The following MREG variants were observed in gnomAD, a reference collection of about 807,000 sequenced individuals.
MREG encodes the protein melanoregulin.
MREG carries 31 observed loss-of-function variants against 28.5 expected under a neutral mutation model. That is an observed-to-expected ratio of 1.09 (90% CI 0.82 to 1.47). The LOEUF is 1.47. MREG is among the 40% of genes most tolerant of loss of function. The probability of loss-of-function intolerance (pLI) is 0.00; values close to 1 mark genes in which losing one functional copy is unlikely to be tolerated. For missense variants in MREG, 256 were observed against 257.4 expected, an observed-to-expected ratio of 0.99 and a Z score of 0.04; for synonymous variants, 106 against 95.2, an observed-to-expected ratio of 1.11 and a Z score of -0.66.
intron 2 of MREG, among the ~76,000 whole-genome samples, chr2:215,970,071 C>T (rs2105988932): frequency 6.6e-6 from 1 of 152,262 alleles, no homozygotes; most frequent in South Asian, 2.1e-4. Flanking sequence ...ATGTTGAATC[C>T]TAAGCCCCAG....
At chr2:215,979,230 G>A (rs924596771) in intron 2 of MREG, among the ~76,000 whole-genome samples, 4 of 152,072 alleles carry the variant, frequency 2.6e-5, no homozygotes, top group Non-Finnish European at 5.9e-5. Context: ...TTGGAAGGCC[G>A]AGGTGGGTGG....
Position 216,000,400 on chromosome 2 carries a change from C to T in MREG, c.96-3935G>A, listed in dbSNP as rs113720097. 2.2e-3 allele frequency among the ~76,000 whole-genome samples: 331 copies of T among 152,238 alleles called. 1 individual carries two copies. The highest frequency in any genetic ancestry group is 7.2e-3 in the African/African-American group (300 of 41,546). ...TGTGGATGCTCCCTGTACAAACCAG[C>T]AGGTTCCCCTGTGGCTTGTCCCCAG... On this transcript the variant is annotated intron_variant, in intron 1 of 4. Transcript: ENST00000263268.
intron 2 of MREG, among the ~76,000 whole-genome samples, chr2:215,983,311 G>C (rs1197816212): frequency 1.3e-5 from 2 of 152,220 alleles, no homozygotes; most frequent in African/African-American, 4.8e-5. Context: ...AGCCAGACTG[G>C]AGTATCTCAG....
chr2:215,975,872 G>C (rs998292864), intron 2 of MREG, among the ~76,000 whole-genome samples: 1 of 152,154 alleles, frequency 6.6e-6, no homozygotes, highest in Non-Finnish European at 1.5e-5. Flanking sequence ...GATTGCCTGA[G>C]GTCAGGAGTT....
At chr2:215,967,385 T>C (rs1187307241) in intron 2 of MREG, among the ~76,000 whole-genome samples, 1 of 152,242 alleles carries the variant, frequency 6.6e-6, no homozygotes, top group Non-Finnish European at 1.5e-5. Context: ...TTGAAAATTA[T>C]AGTGCATTTT....
At chr2:215,993,490 C>A (rs750116517) in intron 2 of MREG, among the ~76,000 whole-genome samples, 1 of 152,138 alleles carries the variant, frequency 6.6e-6, no homozygotes, top group Non-Finnish European at 1.5e-5. Flanking sequence ...TTAGGCAATA[C>A]CATTCAGGAC....
At chr2:215,960,069 C>T (rs1428896165) in intron 2 of MREG, among the ~76,000 whole-genome samples, 1 of 152,040 alleles carries the variant, frequency 6.6e-6, no homozygotes, top group African/African-American at 2.4e-5. Flanking sequence ...TGTTCTCCTG[C>T]CTCAGCCTCC....
At chr2:215,968,509 G>A (rs1258654100) in intron 2 of MREG, among the ~76,000 whole-genome samples, 3 of 152,036 alleles carry the variant, frequency 2.0e-5, no homozygotes, top group Non-Finnish European at 2.9e-5. Flanking sequence ...CAAGTAGTTC[G>A]AAAGTGATTT....
chr2:215,944,420 G>A lies in MREG; in HGVS notation c.*443C>T, dbSNP rs895560194. ...ACCTCATGCCTAGTATTATTTTGGG[G>A]TTAGCATACATTTTATAATAATTAT... On this transcript the variant is annotated 3_prime_UTR_variant, in exon 5 of 5. Coordinates refer to ENST00000263268, the MANE Select transcript of MREG (RefSeq NM_018000.3). 2 of 153,506 alleles carry A rather than the reference G, an allele frequency of 1.3e-5. No individual in the cohort carries two copies. The highest frequency in any genetic ancestry group is 4.8e-5 in the African/African-American group (2 of 41,440). 9.5% of individuals were successfully genotyped at this position (153,506 alleles called of 1,614,324 possible). A position where few individuals can be genotyped will look rare whatever the true frequency, so the allele number is the denominator to read the frequency against.
At chr2:215,983,385 C>T (rs566398918) in intron 2 of MREG, among the ~76,000 whole-genome samples, 1 of 152,340 alleles carries the variant, frequency 6.6e-6, no homozygotes, top group Admixed American at 6.5e-5. Flanking sequence ...TTCCCTGTTT[C>T]TCCCACCCAA....
chr2:215,966,208 G>A (rs1692934748), intron 2 of MREG, among the ~76,000 whole-genome samples: 1 of 152,172 alleles, frequency 6.6e-6, no homozygotes, highest in Non-Finnish European at 1.5e-5. Context: ...CTTTATCTGA[G>A]CCTCTCAATA....
At chr2:216,027,932 ATACACT>A (rs1217932945) in intron 1 of MREG, among the ~76,000 whole-genome samples, 1 of 152,226 alleles carries the variant, frequency 6.6e-6, no homozygotes, top group Non-Finnish European at 1.5e-5. Flanking sequence ...AAATTTCAAA[ATACACT>A]TAAAGTCAAT....
At chr2:215,955,837 T>C (rs1169384341) in intron 2 of MREG, among the ~76,000 whole-genome samples, 1 of 152,190 alleles carries the variant, frequency 6.6e-6, no homozygotes, top group African/African-American at 2.4e-5. Context: ...CCTCTCACGT[T>C]TGTCTTTCAC....
upstream of MREG, among the ~76,000 whole-genome samples, chr2:216,015,344 G>A (rs895637468): frequency 6.6e-6 from 1 of 152,132 alleles, no homozygotes; most frequent in African/African-American, 2.4e-5. Context: ...AGTATTTCAG[G>A]CGGAGTGAAT....
intron 2 of MREG, among the ~76,000 whole-genome samples, chr2:215,947,647 A>C (rs954249603): frequency 2.0e-5 from 3 of 152,214 alleles, no homozygotes; most frequent in East Asian, 3.8e-4. Flanking sequence ...GACACACACA[A>C]AAAAATCTAT....
intron 1 of MREG, among the ~76,000 whole-genome samples, chr2:216,004,483 G>T (rs1354812107): frequency 1.3e-5 from 2 of 151,626 alleles, no homozygotes; most frequent in Admixed American, 1.3e-4. Context: ...GGCGGAGGTT[G>T]CAGTGAGCAG....
chr2:215,996,523 T>G, intron 1 of MREG, 58 bp from the exon 2 acceptor site: 1 of 1,264,478 alleles, frequency 7.9e-7, no homozygotes, highest in Non-Finnish European at 1.1e-6. Flanking sequence ...ATGTTATATG[T>G]CATATGCATG....
intron 2 of MREG, among the ~76,000 whole-genome samples, chr2:215,993,212 C>G (rs1252958655): frequency 2.0e-5 from 3 of 152,072 alleles, no homozygotes; most frequent in Non-Finnish European, 4.4e-5. Context: ...GTACTAGTAC[C>G]AAAGCAGATA....
rs192301394 is a variant in MREG at position 215,976,946 on chromosome 2, G to C, written c.255+19360C>G. Among the ~76,000 whole-genome samples the C allele has an allele frequency of 3.3e-3, 507 of 152,216 alleles. 1 individual carries two copies. Among genetic ancestry groups the C allele is most frequent in the African/African-American group, 0.012 (479 of 41,530 alleles). ...AAACACGCCAAATTGTAAAGACCAAGGATGCTAGGAAGGAACTGCATCAAC... is the reference window on the plus strand; with the variant it reads ...AAACACGCCAAATTGTAAAGACCAACGATGCTAGGAAGGAACTGCATCAAC... On this transcript the variant is annotated intron_variant, in intron 2 of 4. Coordinates refer to ENST00000263268, the MANE Select transcript of MREG (RefSeq NM_018000.3).
Sources: allele counts gnomAD v4.1 joint callset (sites outside exome capture counted in the v4.1 genomes callset), GRCh38; gene constraint gnomAD v4.1.1; transcripts MANE v1.5; gene names NCBI Gene and HGNC (gene_info 2026-07-23, HGNC 2026-07-21).